The following REV3L variants were observed in gnomAD, a reference collection of about 807,000 sequenced individuals.
REV3L encodes the protein REV3 like, DNA directed polymerase zeta catalytic subunit.
A neutral mutation model predicts 299.4 loss-of-function variants in REV3L; 69 were observed. That is an observed-to-expected ratio of 0.23 (90% CI 0.19 to 0.28). REV3L has a LOEUF of 0.28. Among genes scored for constraint, REV3L ranks in the 10% least tolerant of loss-of-function variants. REV3L has a pLI of 1.00. For missense variants in REV3L, 3,128 were observed against 3,693.8 expected, an observed-to-expected ratio of 0.85 and a Z score of 3.97; for synonymous variants, 1,238 against 1,271.4, an observed-to-expected ratio of 0.97 and a Z score of 0.56.
At chr6:111,326,614 A>C (rs56247713) in intron 25 of REV3L, among the ~76,000 whole-genome samples, 18,098 of 107,902 alleles carry the variant, frequency 0.17, 1,129 homozygotes, top group Admixed American at 0.23. Flanking sequence ...TACCCCCCCC[A>C]AAAAAAAAAA....
intron 1 of REV3L, among the ~76,000 whole-genome samples, chr6:111,458,476 AAAG>A (rs1466193595): frequency 6.6e-6 from 1 of 152,148 alleles, no homozygotes; most frequent in Admixed American, 6.6e-5. Context: ...CCAGATAGGA[AAAG>A]AAGAAGTCAA....
chr6:111,310,193 A>G, intron 29 of REV3L, 94 bp from the exon 30 acceptor site: 2 of 1,375,126 alleles, frequency 1.5e-6, no homozygotes, highest in South Asian at 3.7e-5. Context: ...TAATAAAACA[A>G]TGAAAAAACT....
At chr6:111,332,092 G>A (rs1775444451) in intron 23 of REV3L, among the ~76,000 whole-genome samples, 2 of 151,936 alleles carry the variant, frequency 1.3e-5, no homozygotes, top group African/African-American at 4.8e-5. Flanking sequence ...TATTTTTTGA[G>A]ATGGAGTCTC....
Position 111,367,985 on chromosome 6 carries a change from T to C in REV3L, c.5803A>G (p.Asn1935Asp). ...RLLMVETRLA[N>D]DLAEFEGDFS... The stretch of plus-strand genomic sequence containing the variant: ...TCTCCCTCAAACTCAGCCAGATCAT[T>C]TGCAAGTCGAGTTTCTACCATGAGG... Residue 1935 changes from asparagine to aspartate, a missense_variant, in exon 14 of 32, where the codon AAT (asparagine) becomes GAT (aspartate). This residue lies in a region of REV3L where 2,409 missense variants were observed against 2,611.8 expected (regional missense o/e 0.92). Coordinates refer to ENST00000368802, the MANE Select transcript of REV3L (RefSeq NM_001372078.1). 6.2e-7 allele frequency: 1 copy of C among 1,612,578 alleles called. No individual in the cohort carries two copies. Among genetic ancestry groups the C allele is most frequent in the Non-Finnish European group, 8.5e-7 (1 of 1,179,474 alleles).
At chr6:111,431,223 A>C in intron 1 of REV3L, 6 of 1,561,524 alleles carry the variant, frequency 3.8e-6, no homozygotes, top group Non-Finnish European at 5.3e-6. Context: ...TGGATGTTTT[A>C]ACAAAAGGAG....
intron 1 of REV3L, among the ~76,000 whole-genome samples, chr6:111,422,625 TATATAC>T (rs1294596691): frequency 1.4e-3 from 40 of 27,840 alleles, no homozygotes; most frequent in African/African-American, 2.7e-3. Context: ...CATATATATA[TATATAC>T]ACATATATAT....
chr6:111,406,217 A>T (rs928020577), intron 3 of REV3L, among the ~76,000 whole-genome samples: 1 of 152,192 alleles, frequency 6.6e-6, no homozygotes, highest in Non-Finnish European at 1.5e-5. Flanking sequence ...GATGAACTAG[A>T]GGCACTTTTT....
At chr6:111,330,941 C>T in intron 24 of REV3L, 2 of 970,138 alleles carry the variant, frequency 2.1e-6, no homozygotes, top group Non-Finnish European at 2.5e-6. Context: ...TTCCCTCTTA[C>T]TGGTAGAGAA....
rs372929386 is a variant in REV3L at position 111,351,319 on chromosome 6, T to C, written c.7300+357A>G. ...GAAATGCTATGTAGCTTCATAATAATTATGAAGACTATTTCATAATGCAGA... is the reference window on the plus strand; with the variant it reads ...GAAATGCTATGTAGCTTCATAATAACTATGAAGACTATTTCATAATGCAGA... On this transcript the variant is annotated intron_variant, in intron 19 of 31. Transcript: ENST00000368802. Among the ~76,000 whole-genome samples the C allele has an allele frequency of 2.4e-4, 37 of 152,100 alleles. No homozygotes were observed. The South Asian group carries it at 7.7e-3, about 32-fold the overall frequency.
At position 111,392,966 on chromosome 6, in the gene REV3L, G is replaced by A. The variant is rs1326405068; in HGVS notation, c.572C>T (p.Thr191Ile). The A allele has an allele frequency of 6.3e-7, 1 of 1,585,826 alleles. No homozygotes were observed. The highest frequency in any genetic ancestry group is 8.7e-7 in the Non-Finnish European group (1 of 1,154,768). Reference sequence around the variant, plus strand: ...CTTGCAGGATCCAGTTGCATGCAATGTATTACCTAGGAATAGAAAGGTAAA... The same window carrying A: ...CTTGCAGGATCCAGTTGCATGCAATATATTACCTAGGAATAGAAAGGTAAA... ...KFRKARRKSN[T>I]LHATGSCKNH... The change falls in exon 5 of 32, where the codon ACA (threonine) becomes ATA (isoleucine). Residue 191 changes from threonine to isoleucine, a missense_variant. Coordinates refer to ENST00000368802, the MANE Select transcript of REV3L (RefSeq NM_001372078.1).
rs1373989235 is a variant in REV3L, at chr6:111,333,482, T to TA, written c.7681-116_7681-115insT. ...TTCAGAATAAGATTGTATGACTTTT[T>TA]TTTTTTTTTGAGACAGTGTTTCGCT... On this transcript the variant is annotated intron_variant, in intron 22 of 31. Transcript: ENST00000368802. The TA allele has an allele frequency of 3.7e-6, 5 of 1,349,936 alleles. No homozygotes were observed. In the East Asian group the frequency reaches 7.5e-5, roughly 20 times the overall value. 83.6% of individuals were successfully genotyped at this position (1,349,936 alleles called of 1,614,324 possible).
chr6:111,467,855 G>C (rs191507171), intron 1 of REV3L, among the ~76,000 whole-genome samples: 8 of 152,202 alleles, frequency 5.3e-5, no homozygotes, highest in African/African-American at 1.9e-4. Flanking sequence ...AAGACTGTAC[G>C]TAAGAGTAGA....
intron 26 of REV3L, among the ~76,000 whole-genome samples, chr6:111,317,652 A>G (rs1773683117): frequency 6.6e-6 from 1 of 152,094 alleles, no homozygotes; most frequent in Non-Finnish European, 1.5e-5. Flanking sequence ...TTTCTGTTAT[A>G]TAGGTTTTTT....
intron 1 of REV3L, 40 bp from the exon 2 acceptor site, chr6:111,416,512 A>G (rs1375947008): frequency 1.4e-6 from 2 of 1,475,360 alleles, no homozygotes; most frequent in South Asian, 1.2e-5. Context: ...TTCCAGACAC[A>G]GTTTAACAAT....
intron 1 of REV3L, among the ~76,000 whole-genome samples, chr6:111,437,758 T>C (rs537975431): frequency 1.3e-5 from 2 of 152,266 alleles, no homozygotes; most frequent in South Asian, 4.1e-4. Flanking sequence ...TGTTCTAAAA[T>C]TGATTGCGCT....
intron 1 of REV3L, chr6:111,431,229 A>C: frequency 6.4e-7 from 1 of 1,553,546 alleles, no homozygotes; most frequent in South Asian, 1.1e-5. Flanking sequence ...TTTTAACAAA[A>C]GGAGGGCATT....
intron 13 of REV3L, among the ~76,000 whole-genome samples, chr6:111,368,753 T>C (rs1057352499): frequency 2.0e-5 from 3 of 152,218 alleles, no homozygotes; most frequent in Non-Finnish European, 4.4e-5. Flanking sequence ...AATCCCTTGA[T>C]ACTATTTCTG....
intron 1 of REV3L, among the ~76,000 whole-genome samples, chr6:111,432,346 A>G (rs1292626725): frequency 2.6e-5 from 4 of 152,214 alleles, no homozygotes; most frequent in Admixed American, 2.6e-4. Context: ...CCACACACAG[A>G]CTGAAAGTGA....
At chr6:111,439,586 CAAAAG>C (rs1301918022) in intron 1 of REV3L, among the ~76,000 whole-genome samples, 1 of 152,150 alleles carries the variant, frequency 6.6e-6, no homozygotes, top group African/African-American at 2.4e-5. Flanking sequence ...TGCATGAAAA[CAAAAG>C]AAATCGTTTT....
Sources: allele counts gnomAD v4.1 joint callset (sites outside exome capture counted in the v4.1 genomes callset), GRCh38; gene constraint gnomAD v4.1.1; regional missense constraint gnomAD v4.1.1; transcripts MANE v1.5; gene names NCBI Gene and HGNC (gene_info 2026-07-23, HGNC 2026-07-21).